The following GGT1 variants were observed in gnomAD, a reference collection of about 807,000 sequenced individuals.
GGT1 encodes gamma-glutamyltransferase 1.
In GGT1, 21 loss-of-function variants were observed where a neutral mutation model predicts 56.0. That is an observed-to-expected ratio of 0.38 (90% CI 0.27 to 0.54). GGT1 has a LOEUF of 0.54. Ranked by LOEUF, GGT1 falls within the 20% of genes least tolerant of loss-of-function variation. GGT1 has a pLI of 0.82. For missense variants in GGT1, 466 were observed against 787.0 expected (o/e 0.59, Z 4.88); for synonymous variants, 238 against 342.6 (o/e 0.69, Z 3.37).
chr22:24,607,854 A>G (rs2330834), intron 1 of GGT1, 100 bp from the exon 2 acceptor site: 178 of 383,274 alleles, frequency 4.6e-4, no homozygotes, highest in East Asian at 3.4e-3. Context: ...GCAGGGGGCC[A>G]CAGGCGTGGC....
intron 5 of GGT1, among the ~76,000 whole-genome samples, 158 bp from the exon 6 acceptor site, chr22:24,614,614 CAAAA>C (rs4049879): frequency 5.8e-5 from 4 of 68,610 alleles, no homozygotes; most frequent in Admixed American, 1.7e-4. Flanking sequence ...GACTCCATCT[CAAAA>C]AAAAAAAAAA....
Position 24,620,748 on chromosome 22 carries a change from G to A in GGT1, c.576-165G>A. ...CCTGAGTGGCAAGGGACACTAGGAA[G>A]CTCCCGGAAGGGACACTAGGAAGAC... On this transcript the variant is annotated intron_variant, in intron 8 of 15. Coordinates refer to ENST00000400382, the MANE Select transcript of GGT1 (RefSeq NM_001288833.2). The surrounding 1 kb of genome is among the most constrained non-coding windows in gnomAD (Gnocchi z 5.6). 6.9e-7 allele frequency: 1 copy of A among 1,458,474 alleles called. No individual in the cohort carries two copies. The highest frequency in any genetic ancestry group is 9.1e-7 in the Non-Finnish European group (1 of 1,102,284). The allele number at this position is 1,458,474 out of a possible 1,614,324, so 90.3% of individuals were successfully genotyped here.
rs758561279 is a variant in GGT1, at chr22:24,628,054, A to G, written c.1337-27A>G. 1.1e-5 allele frequency: 18 copies of G among 1,611,470 alleles called. No homozygotes were observed. Among genetic ancestry groups the G allele is most frequent in the Admixed American group, 1.7e-5 (1 of 60,006 alleles). On this transcript the variant is annotated intron_variant, in intron 13 of 15. Coordinates refer to ENST00000400382, the MANE Select transcript of GGT1 (RefSeq NM_001288833.2). This position sits in a 1 kb window ranked among gnomAD's most constrained non-coding sequence, Gnocchi z 5.7. ...TGTCCTGGGCAGGCAGCTGACGGGC[A>G]TCCCTGTCTTCTCCCATCGGCCGCA...
intron 5 of GGT1, 100 bp downstream of exon 5, chr22:24,611,345 C>T (rs558420957): frequency 1.3e-6 from 1 of 781,928 alleles, no homozygotes; most frequent in East Asian, 2.7e-5. Flanking sequence ...CATGTGTAAG[C>T]TTCGCTTGGA....
upstream of GGT1, among the ~76,000 whole-genome samples, chr22:24,601,691 A>G (rs545201080): frequency 6.6e-6 from 1 of 152,332 alleles, no homozygotes; most frequent in East Asian, 1.9e-4. Flanking sequence ...CTGTCTGGCC[A>G]AGGCCCCTGA....
chr22:24,628,050 G>A lies in GGT1; in HGVS notation c.1337-31G>A, dbSNP rs780180813. The A allele has an allele frequency of 9.9e-6, 16 of 1,611,290 alleles. No individual in the cohort carries two copies. The highest frequency in any genetic ancestry group is 4.4e-5 in the South Asian group (4 of 90,980). ...CGGGTGTCCTGGGCAGGCAGCTGAC[G>A]GGCATCCCTGTCTTCTCCCATCGGC... On this transcript the variant is annotated intron_variant, in intron 13 of 15. Coordinates refer to ENST00000400382, the MANE Select transcript of GGT1 (RefSeq NM_001288833.2). This position sits in a 1 kb window ranked among gnomAD's most constrained non-coding sequence, Gnocchi z 5.7.
At chr22:24,602,477 G>A (rs368940737), upstream of GGT1, among the ~76,000 whole-genome samples, 85 of 152,330 alleles carry the variant, frequency 5.6e-4, no homozygotes, top group African/African-American at 1.8e-3. Context: ...TGTGGACCTC[G>A]ATCTGAGGGC....
rs1413770538 is a variant in GGT1 at position 24,620,662 on chromosome 22, C to T, written c.575+142C>T. 1 of 1,475,176 alleles carries T rather than the reference C, an allele frequency of 6.8e-7. No individual in the cohort carries two copies. The highest frequency in any genetic ancestry group is 9.0e-7 in the Non-Finnish European group (1 of 1,112,374). 91.4% of individuals were successfully genotyped at this position (1,475,176 alleles called of 1,614,324 possible). ...GATGAGGAGATACAGACCCTTCCCACCACGTGTGGGGACACATTCTGAGCG... is the reference window on the plus strand; with the variant it reads ...GATGAGGAGATACAGACCCTTCCCATCACGTGTGGGGACACATTCTGAGCG... On this transcript the variant is annotated intron_variant, in intron 8 of 15. Coordinates refer to ENST00000400382, the MANE Select transcript of GGT1 (RefSeq NM_001288833.2). This position sits in a 1 kb window ranked among gnomAD's most constrained non-coding sequence, Gnocchi z 5.6.
chr22:24,595,497 T>G (rs2045677301), intron 1 of GGT1, among the ~76,000 whole-genome samples: 1 of 152,200 alleles, frequency 6.6e-6, no homozygotes, highest in African/African-American at 2.4e-5. Flanking sequence ...ATTGCGATGT[T>G]GTCCTCTCAG....
intron 5 of GGT1, among the ~76,000 whole-genome samples, chr22:24,613,282 C>A (rs562650141): frequency 1.1e-3 from 167 of 152,112 alleles, no homozygotes; most frequent in Non-Finnish European, 1.8e-3. Flanking sequence ...CTCTATTGCC[C>A]AGGCTGGTCT....
the GGT1 span, among the ~76,000 whole-genome samples, chr22:24,585,309 C>T: frequency 6.6e-6 from 1 of 152,222 alleles, no homozygotes; most frequent in Non-Finnish European, 1.5e-5. Context: ...CAGACGTGAG[C>T]TTGCTGTGGG....
chr22:24,593,633 A>G (rs2045637313), upstream of GGT1, among the ~76,000 whole-genome samples: 1 of 152,088 alleles, frequency 6.6e-6, no homozygotes. Context: ...TGAAAATACA[A>G]AAAATTAGCC....
chr22:24,620,552 G>T lies in GGT1; in HGVS notation c.575+32G>T. 1 of 1,610,850 alleles carries T rather than the reference G, an allele frequency of 6.2e-7. No individual in the cohort carries two copies. The highest frequency in any genetic ancestry group is 8.5e-7 in the Non-Finnish European group (1 of 1,179,298). On this transcript the variant is annotated intron_variant, in intron 8 of 15. Transcript: ENST00000400382. This position sits in a 1 kb window ranked among gnomAD's most constrained non-coding sequence, Gnocchi z 5.6. ...CTGTGGGTGCGGCCCCCTGACACAGGCAGGGCAGGCACAGCCCAAGGACCT... is the reference window on the plus strand; with the variant it reads ...CTGTGGGTGCGGCCCCCTGACACAGTCAGGGCAGGCACAGCCCAAGGACCT...
upstream of GGT1, among the ~76,000 whole-genome samples, chr22:24,590,155 C>T (rs2045527103): frequency 6.6e-6 from 1 of 152,110 alleles, no homozygotes; most frequent in Non-Finnish European, 1.5e-5. Flanking sequence ...TTTTTTGAGA[C>T]AGGGTCTCAC....
Position 24,627,836 on chromosome 22 carries a change from C to T in GGT1, c.1209-16C>T, listed in dbSNP as rs560846315. On this transcript the variant is annotated splice_polypyrimidine_tract_variant and intron_variant, in intron 12 of 15. Transcript: ENST00000400382. ...CCAGGCAAGGTCGGGCACTGTCTGA[C>T]CTGGCTGGGCGGTAGCTTTGGCTCC... The T allele has an allele frequency of 4.7e-5, 75 of 1,608,966 alleles. No homozygotes were observed. In the South Asian group the frequency reaches 7.3e-4, roughly 16 times the overall value.
At chr22:24,605,379 AT>A (rs1480131135) in intron 1 of GGT1, among the ~76,000 whole-genome samples, 1 of 51,398 alleles carries the variant, frequency 1.9e-5, no homozygotes, top group Non-Finnish European at 2.9e-5. Context: ...ATTATATAAT[AT>A]TATAATATGT....
upstream of GGT1, among the ~76,000 whole-genome samples, chr22:24,600,914 T>C (rs933799055): frequency 7.2e-5 from 11 of 152,218 alleles, no homozygotes; most frequent in Non-Finnish European, 1.3e-4. Flanking sequence ...AGTCCCACTA[T>C]CTTTGGAGGT....
intron 1 of GGT1, among the ~76,000 whole-genome samples, chr22:24,604,075 A>G (rs1412014618): frequency 1.3e-5 from 2 of 151,618 alleles, no homozygotes; most frequent in Non-Finnish European, 2.9e-5. Flanking sequence ...ACAGATTCCA[A>G]CTCCACGTCT....
rs200204073 is a variant in GGT1 at position 24,614,722 on chromosome 22, C to T, written c.165-54C>T. 173 of 1,578,204 alleles carry T rather than the reference C, an allele frequency of 1.1e-4. 1 individual carries two copies. Among genetic ancestry groups the T allele is most frequent in the African/African-American group, 8.1e-5 (6 of 73,626 alleles). On this transcript the variant is annotated intron_variant, in intron 5 of 15. Coordinates refer to ENST00000400382, the MANE Select transcript of GGT1 (RefSeq NM_001288833.2). ...GCAGGTGGGCAGCAGGGTGTGTATG[C>T]GGGGCCAGGGTGGAAGCCTGCAGGT...
Sources: allele counts gnomAD v4.1 joint callset (sites outside exome capture counted in the v4.1 genomes callset), GRCh38; gene constraint gnomAD v4.1.1; non-coding constraint Gnocchi (gnomAD v3.1); transcripts MANE v1.5; gene names NCBI Gene and HGNC (gene_info 2026-07-23, HGNC 2026-07-21).